Variants in MOXD1 observed in about 807,000 individuals in gnomAD.
MOXD1 encodes the protein DBH-like monooxygenase protein 1.
Under a neutral mutation model 66.6 loss-of-function variants are expected in MOXD1, and 62 were observed. That is an observed-to-expected ratio of 0.93 (90% CI 0.76 to 1.15). MOXD1 has a LOEUF of 1.15. MOXD1 is among the 50% of genes most tolerant of loss of function. MOXD1 has a pLI of 0.00. For synonymous variants in MOXD1, 303 were observed against 281.9 expected (o/e 1.07, Z -0.75); for missense variants, 847 against 754.6 (o/e 1.12, Z -1.44).
intron 6 of MOXD1, among the ~76,000 whole-genome samples, chr6:132,327,040 G>A (rs552940680): frequency 5.3e-4 from 80 of 152,184 alleles, no homozygotes; most frequent in Non-Finnish European, 9.9e-4. Flanking sequence ...ATCTTAGATG[G>A]TCTGCTTCAG....
intron 4 of MOXD1, among the ~76,000 whole-genome samples, chr6:132,339,079 T>C (rs554066179): frequency 4.0e-4 from 61 of 152,376 alleles, no homozygotes; most frequent in Non-Finnish European, 8.2e-4. Flanking sequence ...TAAATATTAA[T>C]GATATTGCAA....
chr6:132,355,865 AT>A (rs1775900786), intron 4 of MOXD1, among the ~76,000 whole-genome samples: 1 of 152,258 alleles, frequency 6.6e-6, no homozygotes, highest in Admixed American at 6.5e-5. Flanking sequence ...ACCAATAAAA[AT>A]GAATAAAAAA....
rs988469761 is a variant in MOXD1, at chr6:132,391,104, A to C, written c.264+10059T>G. 3.3e-5 allele frequency: 5 copies of C among 151,382 alleles called. No homozygotes were observed. In the Admixed American group the frequency reaches 3.3e-4, roughly 10 times the overall value. The allele number at this position is 151,382 out of a possible 1,614,324, so 9.4% of individuals were successfully genotyped here. A position where few individuals can be genotyped will look rare whatever the true frequency, so the allele number is the denominator to read the frequency against. ...GCCATTTAATAGTTACCTAAGGTTT[A>C]GTTTTCTCACCTGAAACATTGAGGG... On this transcript the variant is annotated intron_variant, in intron 1 of 11. Coordinates refer to ENST00000367963, the MANE Select transcript of MOXD1 (RefSeq NM_015529.4).
At chr6:132,360,000 A>G (rs1775985267) in intron 4 of MOXD1, among the ~76,000 whole-genome samples, 1 of 152,186 alleles carries the variant, frequency 6.6e-6, no homozygotes, top group Non-Finnish European at 1.5e-5. Flanking sequence ...TTCTAATTTG[A>G]TGTATTAGAC....
intron 4 of MOXD1, among the ~76,000 whole-genome samples, chr6:132,358,130 T>C (rs955316278): frequency 6.6e-6 from 1 of 152,178 alleles, no homozygotes; most frequent in Non-Finnish European, 1.5e-5. Context: ...CTCAAGGTCA[T>C]ATAAGTGGTA....
chr6:132,321,026 G>T (rs956670248), intron 8 of MOXD1, among the ~76,000 whole-genome samples: 6 of 152,152 alleles, frequency 3.9e-5, no homozygotes, highest in Non-Finnish European at 5.9e-5. Flanking sequence ...CAGCACTTTG[G>T]GAGGGCAAGG....
rs901470682 is a variant in MOXD1, at chr6:132,386,956, C to T, written c.265-12179G>A. Reference sequence around the variant, plus strand: ...TCCTGAGCAAGACTGTACACTACAACGCCAAAGACAATGATCATGTCTTTC... The same window carrying T: ...TCCTGAGCAAGACTGTACACTACAATGCCAAAGACAATGATCATGTCTTTC... On this transcript the variant is annotated intron_variant, in intron 1 of 11. Transcript: ENST00000367963. 5.9e-5 allele frequency among the ~76,000 whole-genome samples: 9 copies of T among 151,280 alleles called. 2 individuals are homozygous for T. The highest frequency in any genetic ancestry group is 1.9e-4 in the East Asian group (1 of 5,198).
At chr6:132,324,171 T>C in intron 6 of MOXD1, 74 bp from the exon 7 acceptor site, 2 of 1,466,102 alleles carry the variant, frequency 1.4e-6, no homozygotes, top group Non-Finnish European at 1.9e-6. Flanking sequence ...ATTCTTGGTT[T>C]GAATTTTTTA....
chr6:132,335,199 T>A (rs1441967496), intron 4 of MOXD1, among the ~76,000 whole-genome samples: 1 of 148,910 alleles, frequency 6.7e-6, no homozygotes, highest in African/African-American at 2.5e-5. Flanking sequence ...CACCGAGTAT[T>A]GGAAAAAAAA....
At chr6:132,351,693 G>C (rs1775805458) in intron 4 of MOXD1, among the ~76,000 whole-genome samples, 1 of 152,070 alleles carries the variant, frequency 6.6e-6, no homozygotes, top group South Asian at 2.1e-4. Flanking sequence ...TCTCTATCTT[G>C]TGGAATAATG....
chr6:132,386,439 A>AAC (rs1562300101), intron 1 of MOXD1, among the ~76,000 whole-genome samples: 6 of 146,338 alleles, frequency 4.1e-5, no homozygotes, highest in African/African-American at 1.5e-4. Flanking sequence ...AAAACAAAAA[A>AAC]AAAAAACAAA....
intron 3 of MOXD1, 37 bp from the exon 4 acceptor site, chr6:132,372,728 C>G: frequency 6.2e-7 from 1 of 1,608,752 alleles, no homozygotes; most frequent in East Asian, 2.2e-5. Flanking sequence ...CACAAAGTCA[C>G]CTTCTCTTAA....
chr6:132,364,181 C>T (rs1776070873), intron 4 of MOXD1, among the ~76,000 whole-genome samples: 1 of 152,064 alleles, frequency 6.6e-6, no homozygotes, highest in South Asian at 2.1e-4. Flanking sequence ...TGGTTTTTAT[C>T]CTTACTTAGA....
chr6:132,318,333 G>T (rs1385844171), intron 9 of MOXD1, among the ~76,000 whole-genome samples: 3 of 151,932 alleles, frequency 2.0e-5, no homozygotes, highest in Non-Finnish European at 2.9e-5. Flanking sequence ...CAGTGTATAA[G>T]TGTTCCAGTT....
At chr6:132,303,833 GTGTATA>G (rs1409627048) in intron 10 of MOXD1, among the ~76,000 whole-genome samples, 78 of 59,958 alleles carry the variant, frequency 1.3e-3, no homozygotes, top group Admixed American at 2.7e-3. Flanking sequence ...GTGTGTGTGT[GTGTATA>G]TATATATATA....
At chr6:132,335,279 AT>A (rs60132905) in intron 4 of MOXD1, among the ~76,000 whole-genome samples, 9,603 of 145,614 alleles carry the variant, frequency 0.066, 530 homozygotes, top group African/African-American at 0.16. Flanking sequence ...AAAGAAACAT[AT>A]TTTTTTTTTT....
At chr6:132,377,299 T>C (rs1367004924) in intron 1 of MOXD1, among the ~76,000 whole-genome samples, 25 of 152,222 alleles carry the variant, frequency 1.6e-4, no homozygotes, top group Non-Finnish European at 1.5e-4. Context: ...GAAATAACAA[T>C]GTCTGTAGAC....
intron 10 of MOXD1, among the ~76,000 whole-genome samples, chr6:132,298,904 A>G (rs1005798945): frequency 1.8e-4 from 27 of 152,224 alleles, no homozygotes; most frequent in African/African-American, 6.3e-4. Context: ...CATTCAACCC[A>G]GTAATCCTAT....
At chr6:132,359,347 G>T (rs1775967558) in intron 4 of MOXD1, among the ~76,000 whole-genome samples, 1 of 152,068 alleles carries the variant, frequency 6.6e-6, no homozygotes. Context: ...ATGCTGGGAT[G>T]ACAGGTGAAA....
Sources: gnomAD v4.1 joint callset for allele counts (sites outside exome capture counted in the v4.1 genomes callset) on GRCh38, gnomAD v4.1.1 for gene constraint, MANE v1.5 for transcripts, NCBI Gene and HGNC (gene_info 2026-07-23, HGNC 2026-07-21) for gene names.